Variants in TLK2 observed in about 807,000 individuals in gnomAD.
TLK2 encodes serine/threonine-protein kinase tousled-like 2.
A neutral mutation model predicts 117.3 loss-of-function variants in TLK2; 6 were observed. The ratio of observed to expected loss-of-function variants is 0.05; its 90% confidence interval spans 0.03 to 0.10. The LOEUF is 0.10. Ranked by LOEUF, TLK2 falls within the 10% of genes least tolerant of loss-of-function variation. The pLI is 1.00. For missense variants in TLK2, 299 were observed against 901.2 expected (o/e 0.33, Z 8.56); for synonymous variants, 257 against 316.7 (o/e 0.81, Z 2.00).
intron 7 of TLK2, 126 bp downstream of exon 7, chr17:62,536,463 C>G: frequency 2.9e-6 from 3 of 1,031,022 alleles, no homozygotes; most frequent in Non-Finnish European, 4.1e-6. Flanking sequence ...AATGTGATCT[C>G]CCCTTATCAT....
At chr17:62,551,944 T>C (rs2078496457) in intron 7 of TLK2, 1 of 332,918 alleles carries the variant, frequency 3.0e-6, no homozygotes, top group Non-Finnish European at 5.8e-6. Flanking sequence ...CCCCTGTGCA[T>C]TGGATGCTTC....
chr17:62,576,628 T>C (rs762030293), intron 12 of TLK2, 81 bp from the exon 13 acceptor site: 120 of 1,028,720 alleles, frequency 1.2e-4, no homozygotes, highest in Admixed American at 2.3e-4. Flanking sequence ...ATATGTCTTA[T>C]AGTATATTTG....
chr17:62,561,735 A>G (rs1440242727), intron 10 of TLK2, among the ~76,000 whole-genome samples: 1 of 152,258 alleles, frequency 6.6e-6, no homozygotes, highest in Non-Finnish European at 1.5e-5. Flanking sequence ...AATCAACTTT[A>G]TAGAAAAGAA....
At chr17:62,499,643 A>G (rs1240812654) in intron 2 of TLK2, among the ~76,000 whole-genome samples, 1 of 151,732 alleles carries the variant, frequency 6.6e-6, no homozygotes, top group Non-Finnish European at 1.5e-5. Context: ...TGAGCTCAGG[A>G]GTTTGAGACC....
chr17:62,525,481 T>C (rs1477894498), intron 6 of TLK2, among the ~76,000 whole-genome samples: 2 of 151,620 alleles, frequency 1.3e-5, no homozygotes, highest in Admixed American at 6.6e-5. Context: ...GACAGTCTTG[T>C]TCTGTCACTC....
At chr17:62,599,858 A>T (rs1395317613) in intron 17 of TLK2, among the ~76,000 whole-genome samples, 1 of 152,236 alleles carries the variant, frequency 6.6e-6, no homozygotes, top group Non-Finnish European at 1.5e-5. Context: ...CAAACAGTTC[A>T]GGACACCTTA....
chr17:62,472,350 G>A (rs994784474), intron 1 of TLK2, among the ~76,000 whole-genome samples: 12 of 152,128 alleles, frequency 7.9e-5, no homozygotes, highest in Non-Finnish European at 1.5e-4. Flanking sequence ...GGAGCTCCTG[G>A]CAGTGCCTCC....
chr17:62,485,803 T>C (rs2072274357), intron 2 of TLK2, among the ~76,000 whole-genome samples: 2 of 150,946 alleles, frequency 1.3e-5, no homozygotes, highest in Non-Finnish European at 2.9e-5. Context: ...GTTGTGAACC[T>C]AGTAATTTTC....
At chr17:62,520,329 C>G (rs761002336) in intron 2 of TLK2, among the ~76,000 whole-genome samples, 5 of 152,130 alleles carry the variant, frequency 3.3e-5, no homozygotes, top group Non-Finnish European at 5.9e-5. Flanking sequence ...GCCTCAGCAA[C>G]AGAAGTCAGG....
At position 62,590,127 on chromosome 17, in the gene TLK2, C is replaced by CA. The variant is rs201887925; in HGVS notation, c.1460+3909dup. On this transcript the variant is annotated intron_variant, in intron 16 of 21. Coordinates refer to ENST00000346027, the MANE Select transcript of TLK2 (RefSeq NM_006852.6). ...CGGCCTTTAACCTTGAAAAAAAAAA[C>CA]AAAAAAAACAAACAGCAGCACCGGC... Among the ~76,000 whole-genome samples, 381 of 141,758 alleles carry CA rather than the reference C, an allele frequency of 2.7e-3. 1 individual carries two copies. Among genetic ancestry groups the CA allele is most frequent in the African/African-American group, 7.5e-3 (293 of 39,264 alleles). 93.0% of individuals were successfully genotyped at this position (141,758 alleles called of 152,430 possible). A position where few individuals can be genotyped will look rare whatever the true frequency, so the allele number is the denominator to read the frequency against.
chr17:62,506,401 G>A (rs183390238), intron 2 of TLK2, among the ~76,000 whole-genome samples: 2 of 152,280 alleles, frequency 1.3e-5, no homozygotes, highest in Admixed American at 6.5e-5. Context: ...ACTTGTTAAC[G>A]CTTGTGCCAC....
chr17:62,480,338 T>C (rs1489793984), intron 1 of TLK2, among the ~76,000 whole-genome samples: 3 of 152,162 alleles, frequency 2.0e-5, no homozygotes, highest in Non-Finnish European at 2.9e-5. Flanking sequence ...GATGAACATA[T>C]TTGCTGAAAG....
intron 7 of TLK2, among the ~76,000 whole-genome samples, chr17:62,544,598 T>C (rs1353369919): frequency 6.6e-6 from 1 of 152,216 alleles, no homozygotes; most frequent in East Asian, 1.9e-4. Flanking sequence ...CCACACTGTC[T>C]GAATAACTGT....
intron 12 of TLK2, chr17:62,574,540 C>T (rs1479252587): frequency 6.4e-6 from 4 of 621,006 alleles, no homozygotes; most frequent in South Asian, 3.7e-5. Context: ...TTTTTTGAGA[C>T]GAAGTCTCAC....
intron 2 of TLK2, among the ~76,000 whole-genome samples, chr17:62,503,348 G>A (rs1046115051): frequency 2.0e-5 from 3 of 151,316 alleles, no homozygotes; most frequent in East Asian, 1.9e-4. Context: ...GTGAGCCACC[G>A]CACCGGGCCT....
chr17:62,612,319 T>TA (rs1006101313), intron 21 of TLK2, 73 bp from the exon 22 acceptor site: 13 of 1,507,156 alleles, frequency 8.6e-6, no homozygotes, highest in Admixed American at 6.3e-5. Flanking sequence ...TGGCAGCCGA[T>TA]AGAGAGCCTT....
At chr17:62,585,150 T>G (rs1170043653) in intron 15 of TLK2, among the ~76,000 whole-genome samples, 3 of 152,236 alleles carry the variant, frequency 2.0e-5, no homozygotes, top group Non-Finnish European at 4.4e-5. Flanking sequence ...ATGCAGGACT[T>G]GCTGGCAGTG....
chr17:62,546,728 A>T (rs1374517372), intron 7 of TLK2, among the ~76,000 whole-genome samples: 6 of 150,642 alleles, frequency 4.0e-5, no homozygotes, highest in South Asian at 2.1e-4. Context: ...GCTAATTTTT[A>T]AAAATATTTT....
rs560172052 is a variant in TLK2, at chr17:62,606,589, C to T, written c.1971+348C>T. 2.0e-5 allele frequency among the ~76,000 whole-genome samples: 3 copies of T among 152,218 alleles called. No homozygotes were observed. In the South Asian group the frequency reaches 6.2e-4, roughly 32 times the overall value. ...ACAATCTTCCCAAGAACCTGGGGGC[C>T]CCAAGAACCAAAACTCAAAATATCC... On this transcript the variant is annotated intron_variant, in intron 20 of 21. Transcript: ENST00000346027.
Sources: gnomAD v4.1 joint callset for allele counts (sites outside exome capture counted in the v4.1 genomes callset) on GRCh38, gnomAD v4.1.1 for gene constraint, MANE v1.5 for transcripts, NCBI Gene and HGNC (gene_info 2026-07-23, HGNC 2026-07-21) for gene names.